Variants in CYFIP2 observed in about 807,000 individuals in gnomAD.
The protein encoded by CYFIP2 is cytoplasmic FMR1 interacting protein 2.
CYFIP2 carries 29 observed loss-of-function variants against 158.7 expected under a neutral mutation model. That is an observed-to-expected ratio of 0.18 (90% CI 0.14 to 0.25). The LOEUF is 0.25. Ranked by LOEUF, CYFIP2 falls within the 10% of genes least tolerant of loss-of-function variation. CYFIP2 has a pLI of 1.00. For missense variants in CYFIP2, 852 were observed against 1,639.5 expected (o/e 0.52, Z 8.29); for synonymous variants, 585 against 617.6 (o/e 0.95, Z 0.78).
At chr5:157,329,978 G>C (rs1269384158) in intron 19 of CYFIP2, among the ~76,000 whole-genome samples, 1 of 152,164 alleles carries the variant, frequency 6.6e-6, no homozygotes, top group Non-Finnish European at 1.5e-5. Flanking sequence ...TCTCCAACCT[G>C]CACTATACTT....
chr5:157,395,339 TTTAAAAA>T lies in CYFIP2; in HGVS notation c.*2341_*2347del. 1 of 296,152 alleles carries T rather than the reference TTTAAAAA, an allele frequency of 3.4e-6. No individual in the cohort carries two copies. Among genetic ancestry groups the T allele is most frequent in the South Asian group, 3.0e-5 (1 of 33,156 alleles). The allele number at this position is 296,152 out of a possible 1,614,324, so 18.3% of individuals were successfully genotyped here. A position where few individuals can be genotyped will look rare whatever the true frequency, so the allele number is the denominator to read the frequency against. On this transcript the variant is annotated 3_prime_UTR_variant, in exon 31 of 31. Coordinates refer to ENST00000620254, the MANE Select transcript of CYFIP2 (RefSeq NM_001037333.3). ...AAATAAAGCTTAGGTTTTAAAAAGTTTTAAAAATAATCTGTTTCAGAAACTGTCAAAT... is the reference window on the plus strand; with the variant it reads ...AAATAAAGCTTAGGTTTTAAAAAGTTTAATCTGTTTCAGAAACTGTCAAAT...
At chr5:157,315,825 C>T (rs1030911901) in intron 13 of CYFIP2, among the ~76,000 whole-genome samples, 1 of 152,170 alleles carries the variant, frequency 6.6e-6, no homozygotes, top group African/African-American at 2.4e-5. Flanking sequence ...ATGGCTCACA[C>T]CTGTAATCCT....
chr5:157,339,049 C>A lies in CYFIP2; in HGVS notation c.2386-8C>A. Reference sequence around the variant, plus strand: ...TCCTCAGCAGTTGTGGGCTCTCTCTCTGTACAGGAGCTGGAGTGGCTGCTG... The same window carrying A: ...TCCTCAGCAGTTGTGGGCTCTCTCTATGTACAGGAGCTGGAGTGGCTGCTG... On this transcript the variant is annotated splice_region_variant and splice_polypyrimidine_tract_variant and intron_variant, in intron 21 of 30. Transcript: ENST00000620254. The A allele has an allele frequency of 6.2e-7, 1 of 1,607,662 alleles. No homozygotes were observed. The highest frequency in any genetic ancestry group is 8.5e-7 in the Non-Finnish European group (1 of 1,176,604).
intron 28 of CYFIP2, chr5:157,384,654 A>G (rs535544810): frequency 1.0e-5 from 4 of 391,658 alleles, no homozygotes. Context: ...AAAGCTAATC[A>G]TGGGGCCGGG....
chr5:157,296,914 G>A, intron 5 of CYFIP2, 140 bp downstream of exon 5: 1 of 617,062 alleles, frequency 1.6e-6, no homozygotes, highest in East Asian at 2.9e-5. Flanking sequence ...ATCCCTGGGT[G>A]AGCAAGACGG....
At chr5:157,301,502 C>G (rs1758744836) in intron 6 of CYFIP2, among the ~76,000 whole-genome samples, 1 of 152,144 alleles carries the variant, frequency 6.6e-6, no homozygotes, top group Non-Finnish European at 1.5e-5. Context: ...CATGGAAGTC[C>G]CAGGGAGGAT....
chr5:157,294,579 C>T (rs1196625209), intron 3 of CYFIP2, among the ~76,000 whole-genome samples: 1 of 152,122 alleles, frequency 6.6e-6, no homozygotes, highest in African/African-American at 2.4e-5. Flanking sequence ...GTATGTGAGT[C>T]ATCTGGGAAT....
intron 26 of CYFIP2, among the ~76,000 whole-genome samples, chr5:157,367,872 A>G (rs530388217): frequency 4.8e-4 from 72 of 150,664 alleles, no homozygotes; most frequent in East Asian, 2.2e-3. Context: ...CTCCTGCCTC[A>G]GCCTCCTAAG....
In CYFIP2 at chr5:157,300,906, A is replaced by G. The variant is rs761214987; in HGVS notation, c.569+10A>G. 1 of 1,539,026 alleles carries G rather than the reference A, an allele frequency of 6.5e-7. No individual in the cohort carries two copies. The highest frequency in any genetic ancestry group is 1.8e-5 in the Admixed American group (1 of 54,666). ...ACTCTGCCTACAAGAGGTCAGGGCA[A>G]CCTCCCCCTCTCCCCTTTCCCCATC... On this transcript the variant is annotated intron_variant, in intron 6 of 30. Transcript: ENST00000620254.
chr5:157,324,548 A>G (rs1463056373), intron 16 of CYFIP2, among the ~76,000 whole-genome samples: 1 of 152,192 alleles, frequency 6.6e-6, no homozygotes, highest in Non-Finnish European at 1.5e-5. Flanking sequence ...ATGAGTCTTC[A>G]TATGTCTGCT....
At chr5:157,376,820 A>G in intron 26 of CYFIP2, 1 of 446,638 alleles carries the variant, frequency 2.2e-6, no homozygotes. Flanking sequence ...TTCCAAGCTC[A>G]GATCTACTCT....
intron 13 of CYFIP2, among the ~76,000 whole-genome samples, chr5:157,316,887 G>A (rs568529922): frequency 9.2e-5 from 14 of 152,134 alleles, no homozygotes; most frequent in South Asian, 8.3e-4. Context: ...ACTGAGGCTC[G>A]GTGGCATAAT....
In CYFIP2 at chr5:157,320,803, G is replaced by A; in HGVS notation, c.1671+1G>A. ...TGCTGTGGGGCCATCCAGCACACAG[G>A]TAAGCGGCTCCAGGCACAGGCCAGC... is the stretch of plus-strand genomic sequence containing the variant. On this transcript the variant is annotated splice_donor_variant, in intron 15 of 30. Transcript: ENST00000620254. LOFTEE classifies it high-confidence loss of function. 2 of 1,575,218 alleles carry A rather than the reference G, an allele frequency of 1.3e-6. No homozygotes were observed. The highest frequency in any genetic ancestry group is 8.6e-7 in the Non-Finnish European group (1 of 1,161,612).
chr5:157,307,661 G>A, intron 8 of CYFIP2, 100 bp from the exon 9 acceptor site: 5 of 638,880 alleles, frequency 7.8e-6, no homozygotes, highest in Non-Finnish European at 1.2e-5. Context: ...GTGTGTATGT[G>A]TGTGTGTGTG....
intron 13 of CYFIP2, among the ~76,000 whole-genome samples, chr5:157,319,437 T>C (rs949883473): frequency 6.6e-6 from 1 of 152,206 alleles, no homozygotes; most frequent in Non-Finnish European, 1.5e-5. Context: ...TTGTGGCCCA[T>C]GGGCCAGCTG....
intron 24 of CYFIP2, 47 bp from the exon 25 acceptor site, chr5:157,360,235 G>A (rs1359345957): frequency 2.0e-5 from 31 of 1,526,334 alleles, no homozygotes; most frequent in African/African-American, 4.1e-5. Flanking sequence ...TCCATACCCC[G>A]CATAGCCCAG....
At chr5:157,358,284 G>A (rs1404669593) in intron 23 of CYFIP2, among the ~76,000 whole-genome samples, 2 of 152,162 alleles carry the variant, frequency 1.3e-5, no homozygotes, top group African/African-American at 2.4e-5. Context: ...GGGGTTCAGC[G>A]GACAATGGTG....
intron 26 of CYFIP2, among the ~76,000 whole-genome samples, chr5:157,379,554 C>T (rs1765829885): frequency 6.6e-6 from 1 of 150,768 alleles, no homozygotes; most frequent in Non-Finnish European, 1.5e-5. Flanking sequence ...ACCTGTAGTC[C>T]CAGCTATTCA....
chr5:157,381,221 A>G lies in CYFIP2; in HGVS notation c.3040-1369A>G, dbSNP rs926520315. ...TGCCTTCCCTTTCCACTGAGACATA[A>G]CCACTACTCTGGATTTGGTAGTTCT... On this transcript the variant is annotated intron_variant, in intron 26 of 30. Transcript: ENST00000620254. Among the ~76,000 whole-genome samples, 44 of 152,070 alleles carry G rather than the reference A, an allele frequency of 2.9e-4. 1 individual carries two copies. Among genetic ancestry groups the G allele is most frequent in the Non-Finnish European group, 1.5e-5 (1 of 68,014 alleles).
Sources: allele counts gnomAD v4.1 joint callset (sites outside exome capture counted in the v4.1 genomes callset), GRCh38; gene constraint gnomAD v4.1.1; transcripts MANE v1.5; gene names NCBI Gene and HGNC (gene_info 2026-07-23, HGNC 2026-07-21).